NDE1: variants seen among roughly 807,000 people sequenced by gnomAD.
The protein encoded by NDE1 is nudE neurodevelopment protein 1.
A neutral mutation model predicts 43.4 loss-of-function variants in NDE1; 28 were observed. That is an observed-to-expected ratio of 0.65 (90% CI 0.48 to 0.89). The LOEUF (loss-of-function observed/expected upper bound fraction) is 0.89. Ranked by LOEUF, NDE1 falls within the 40% of genes least tolerant of loss-of-function variation. NDE1 has a pLI of 0.00. For missense variants in NDE1, 441 were observed against 434.1 expected, an observed-to-expected ratio of 1.02 and a Z score of -0.14; for synonymous variants, 184 against 172.0, an observed-to-expected ratio of 1.07 and a Z score of -0.55.
chr16:15,700,211 C>G (rs539084808), intron 8 of NDE1: 1 of 658,828 alleles, frequency 1.5e-6, no homozygotes, highest in Non-Finnish European at 1.9e-6. Context: ...GTTCTTGTTC[C>G]TGAGTCTTCC....
chr16:15,721,331 A>T, intron 8 of NDE1: 5 of 1,413,874 alleles, frequency 3.5e-6, no homozygotes, highest in Non-Finnish European at 5.0e-6. Flanking sequence ...GCTATGAAAA[A>T]GGCCAGGAGC....
chr16:15,675,293 G>A (rs1430625232), intron 3 of NDE1, among the ~76,000 whole-genome samples: 2 of 151,900 alleles, frequency 1.3e-5, no homozygotes, highest in African/African-American at 4.8e-5. Flanking sequence ...CCGCCTCCCG[G>A]GTTCAAGAGA....
At chr16:15,672,417 G>A (rs1204030214) in intron 3 of NDE1, among the ~76,000 whole-genome samples, 1 of 152,122 alleles carries the variant, frequency 6.6e-6, no homozygotes. Flanking sequence ...CATGTCAGAT[G>A]CAGGAGACTC....
intron 5 of NDE1, among the ~76,000 whole-genome samples, chr16:15,690,741 T>C (rs1291983494): frequency 6.6e-6 from 1 of 152,114 alleles, no homozygotes; most frequent in Non-Finnish European, 1.5e-5. Context: ...GTAGGTCTTT[T>C]TTCTGACTGG....
At chr16:15,704,258 C>A in intron 8 of NDE1, 1 of 948,652 alleles carries the variant, frequency 1.1e-6, no homozygotes, top group Non-Finnish European at 1.6e-6. Context: ...AAAACACACA[C>A]GGCACAAATA....
chr16:15,656,760 C>T (rs919882272), intron 1 of NDE1, among the ~76,000 whole-genome samples: 3 of 151,694 alleles, frequency 2.0e-5, no homozygotes, highest in African/African-American at 7.3e-5. Flanking sequence ...AGGCTGGTCT[C>T]GAACTCCTGG....
chr16:15,724,870 A>T lies in NDE1; in HGVS notation c.*619A>T. 1 of 1,613,862 alleles carries T rather than the reference A, an allele frequency of 6.2e-7. No homozygotes were observed. On this transcript the variant is annotated 3_prime_UTR_variant, in exon 9 of 9. Transcript: ENST00000396354. ...GGCCACCCCCCAGGTCCCCTGGATG[A>T]TGTGGCAGGACACTCACCTGGGTGT...
intron 8 of NDE1, chr16:15,717,306 C>T: frequency 6.2e-7 from 1 of 1,612,116 alleles, no homozygotes; most frequent in Non-Finnish European, 8.5e-7. Flanking sequence ...TTCTTCTGGG[C>T]CGTGCTGCGC....
chr16:15,719,383 A>C (rs954910247), intron 8 of NDE1: 1 of 1,534,416 alleles, frequency 6.5e-7, no homozygotes, highest in African/African-American at 1.4e-5. Flanking sequence ...CTGACAACTC[A>C]GCCACCCTTG....
chr16:15,671,129 C>T (rs970600966), intron 3 of NDE1, among the ~76,000 whole-genome samples: 3 of 152,220 alleles, frequency 2.0e-5, no homozygotes, highest in Admixed American at 6.5e-5. Flanking sequence ...CTAGGCTCTA[C>T]CAATAATATT....
Position 15,724,680 on chromosome 16 carries a change from G to C in NDE1, c.*429G>C, listed in dbSNP as rs769899465. On this transcript the variant is annotated 3_prime_UTR_variant, in exon 9 of 9. Coordinates refer to ENST00000396354, the MANE Select transcript of NDE1 (RefSeq NM_017668.3). ...TGAGAGTGGAGATGTGGCGCTCCAG[G>C]TTCTGCTTGGCCTCCATCTCCTCGT... 3 of 1,614,218 alleles carry C rather than the reference G, an allele frequency of 1.9e-6. No individual in the cohort carries two copies. Among genetic ancestry groups the C allele is most frequent in the South Asian group, 2.2e-5 (2 of 91,086 alleles).
At chr16:15,667,109 G>A (rs2037346021) in intron 2 of NDE1, among the ~76,000 whole-genome samples, 177 bp from the exon 3 acceptor site, 1 of 152,116 alleles carries the variant, frequency 6.6e-6, no homozygotes, top group Non-Finnish European at 1.5e-5. Context: ...AGCTGGGTGT[G>A]GTGCCGCATG....
At chr16:15,718,289 G>T in intron 8 of NDE1, 1 of 1,607,102 alleles carries the variant, frequency 6.2e-7, no homozygotes, top group East Asian at 2.2e-5. Context: ...TAGGCAGCGT[G>T]ACTGTGGTGT....
chr16:15,663,241 C>CTTT (rs35559905), intron 1 of NDE1, among the ~76,000 whole-genome samples: 4 of 140,478 alleles, frequency 2.8e-5, no homozygotes, highest in Non-Finnish European at 4.7e-5. Flanking sequence ...CTTTCATATT[C>CTTT]TTTTTTTTTT....
chr16:15,724,475 C>T lies in NDE1; in HGVS notation c.*224C>T. 1.2e-6 allele frequency: 2 copies of T among 1,609,998 alleles called. No homozygotes were observed. Among genetic ancestry groups the T allele is most frequent in the Non-Finnish European group, 1.7e-6 (2 of 1,178,732 alleles). ...TGAGTGGCCCCTGTCCCTGGCCCCA[C>T]AGACTCTGAGAAGCGAAGACCATGT... On this transcript the variant is annotated 3_prime_UTR_variant, in exon 9 of 9. Coordinates refer to ENST00000396354, the MANE Select transcript of NDE1 (RefSeq NM_017668.3).
At chr16:15,674,173 C>T (rs1222718012) in intron 3 of NDE1, among the ~76,000 whole-genome samples, 3 of 152,104 alleles carry the variant, frequency 2.0e-5, no homozygotes, top group African/African-American at 4.8e-5. Flanking sequence ...AACAAGATCT[C>T]CCTCTCTGTC....
At chr16:15,645,268 AT>A (rs1041230454), upstream of NDE1, among the ~76,000 whole-genome samples, 13 of 152,108 alleles carry the variant, frequency 8.5e-5, no homozygotes, top group African/African-American at 2.9e-4. Flanking sequence ...AAGCAGACAC[AT>A]TTTGTTTGAC....
intron 3 of NDE1, among the ~76,000 whole-genome samples, chr16:15,668,927 T>A (rs1216142334): frequency 6.6e-6 from 1 of 152,118 alleles, no homozygotes; most frequent in East Asian, 1.9e-4. Context: ...TGAGATGGAG[T>A]CTTGCTCTGT....
At chr16:15,708,595 A>G (rs1160434274) in intron 8 of NDE1, among the ~76,000 whole-genome samples, 1 of 152,226 alleles carries the variant, frequency 6.6e-6, no homozygotes, top group African/African-American at 2.4e-5. Flanking sequence ...GGCAGGAAGG[A>G]CAGTGGGTCA....
Sources: gnomAD v4.1 joint callset for allele counts (sites outside exome capture counted in the v4.1 genomes callset) on GRCh38, gnomAD v4.1.1 for gene constraint, MANE v1.5 for transcripts, NCBI Gene and HGNC (gene_info 2026-07-23, HGNC 2026-07-21) for gene names.